The following TBC1D16 variants were observed in gnomAD, a reference collection of about 807,000 sequenced individuals.
TBC1D16 encodes the protein TBC1 domain family member 16, also known as CTD-2529O21.1.
Under a neutral mutation model 74.7 loss-of-function variants are expected in TBC1D16, and 58 were observed. The ratio of observed to expected loss-of-function variants is 0.78; its 90% CI spans 0.63 to 0.97. TBC1D16 has a LOEUF of 0.97. Among genes scored for constraint, TBC1D16 ranks in the 50% least tolerant of loss-of-function variants. The pLI, the probability that TBC1D16 is intolerant of heterozygous loss-of-function variation, is 0.00. For synonymous variants in TBC1D16, 493 were observed against 474.7 expected, an observed-to-expected ratio of 1.04 and a Z score of -0.50; for missense variants, 1,014 against 1,079.5, an observed-to-expected ratio of 0.94 and a Z score of 0.85.
At position 80,010,629 on chromosome 17, in the gene TBC1D16, G is replaced by C. The variant is rs754386191; in HGVS notation, c.310C>G (p.Pro104Ala). 6.4e-7 allele frequency: 1 copy of C among 1,573,832 alleles called. No homozygotes were observed. The highest frequency in any genetic ancestry group is 1.4e-5 in the African/African-American group (1 of 73,558). ...ALRYITPESSPVRKAPRPRGR... is the reference protein window; with the variant it reads ...ALRYITPESSAVRKAPRPRGR... ...CGAGGGCGGGGTGCCTTGCGAACGG[G>C]GGAGCTCTCGGGTGTGATGTAGCGC... The change falls in exon 3 of 12, where the codon CCC becomes GCC. Residue 104 changes from proline to alanine, a missense_variant. Transcript: ENST00000310924. This position sits in a 1 kb window ranked among gnomAD's most constrained non-coding sequence, Gnocchi z 8.8.
At chr17:80,002,094 G>A (rs2035510396) in intron 3 of TBC1D16, among the ~76,000 whole-genome samples, 1 of 152,202 alleles carries the variant, frequency 6.6e-6, no homozygotes, top group African/African-American at 2.4e-5. Flanking sequence ...AACGAGCAGA[G>A]CTTTGTGAGT....
In TBC1D16 at chr17:79,950,870, C is replaced by T. The variant is rs925343596; in HGVS notation, c.1090-292G>A. On this transcript the variant is annotated intron_variant, in intron 5 of 11. Transcript: ENST00000310924. This position sits in a 1 kb window ranked among gnomAD's most constrained non-coding sequence, Gnocchi z 4.6. ...AAACGGAATGAATGCCTCGTTCGGCCTAACTTCCCTCTGCCGGGAGGGCCT... is the reference window on the plus strand; with the variant it reads ...AAACGGAATGAATGCCTCGTTCGGCTTAACTTCCCTCTGCCGGGAGGGCCT... 5.9e-6 allele frequency: 9 copies of T among 1,513,058 alleles called. No homozygotes were observed. The highest frequency in any genetic ancestry group is 7.9e-6 in the Non-Finnish European group (9 of 1,132,584). 93.7% of individuals were successfully genotyped at this position (1,513,058 alleles called of 1,614,324 possible). A position where few individuals can be genotyped will look rare whatever the true frequency, so the allele number is the denominator to read the frequency against.
At position 79,941,626 on chromosome 17, in the gene TBC1D16, G is replaced by A. The variant is rs1195320476; in HGVS notation, c.2055+434C>T. The stretch of plus-strand genomic sequence containing the variant: ...CGGGCAGCATCTCCAGGAGGCGTCT[G>A]GGAAGTGGGGGAGGGGGCCAAAGCC... On this transcript the variant is annotated intron_variant, in intron 11 of 11. Transcript: ENST00000310924. The surrounding 1 kb of genome is among the most constrained non-coding windows in gnomAD (Gnocchi z 4.3). 6.6e-6 allele frequency among the ~76,000 whole-genome samples: 1 copy of A among 152,222 alleles called. No homozygotes were observed. Among genetic ancestry groups the A allele is most frequent in the African/African-American group, 2.4e-5 (1 of 41,466 alleles).
intron 3 of TBC1D16, among the ~76,000 whole-genome samples, chr17:79,962,339 C>G (rs886140667): frequency 6.7e-6 from 1 of 149,626 alleles, no homozygotes; most frequent in African/African-American, 2.5e-5. Flanking sequence ...CTCAGCCTCC[C>G]AAGTATCTGG....
In TBC1D16 at chr17:79,949,646, C is replaced by T. The variant is rs1338500560; in HGVS notation, c.1406+71G>A. On this transcript the variant is annotated intron_variant, in intron 7 of 11. Coordinates refer to ENST00000310924, the MANE Select transcript of TBC1D16 (RefSeq NM_019020.4). The stretch of plus-strand genomic sequence containing the variant: ...ATATTATCAATGCTGAATTGCACCT[C>T]AAATTGCCTTTTCAAATGACATTTT... 14 of 1,550,444 alleles carry T rather than the reference C, an allele frequency of 9.0e-6. No individual in the cohort carries two copies. The Admixed American group carries it at 2.3e-4, about 25-fold the overall frequency.
At position 79,990,059 on chromosome 17, in the gene TBC1D16, G is replaced by T. The variant is rs371213367; in HGVS notation, c.779+20101C>A. On this transcript the variant is annotated intron_variant, in intron 3 of 11. Transcript: ENST00000310924. The surrounding 1 kb of genome is among the most constrained non-coding windows in gnomAD (Gnocchi z 4.8). The stretch of plus-strand genomic sequence containing the variant: ...TTTTTCTAAGCTCACTAGGTAAAGT[G>T]TTACTTCCTGATCTAATCTTGCCAG... Among the ~76,000 whole-genome samples the T allele has an allele frequency of 6.6e-6, 1 of 152,188 alleles. No individual in the cohort carries two copies. The highest frequency in any genetic ancestry group is 1.5e-5 in the Non-Finnish European group (1 of 68,032).
At chr17:79,976,503 G>A (rs768364729) in intron 3 of TBC1D16, among the ~76,000 whole-genome samples, 6 of 152,238 alleles carry the variant, frequency 3.9e-5, no homozygotes, top group Admixed American at 2.6e-4. Context: ...TGACTGCGTC[G>A]GTCACATGTG....
chr17:80,013,729 T>C lies in TBC1D16; in HGVS notation c.-62-120A>G, dbSNP rs1598427966. On this transcript the variant is annotated intron_variant, in intron 1 of 11. Coordinates refer to ENST00000310924, the MANE Select transcript of TBC1D16 (RefSeq NM_019020.4). ...TAACCACAGGAGCGTGTCCTGCTGG[T>C]GAACAGCTCTGTACAGGGTAGGCCA... 1.3e-5 allele frequency: 8 copies of C among 604,954 alleles called. No homozygotes were observed. The East Asian group carries it at 2.4e-4, about 18-fold the overall frequency. The allele number at this position is 604,954 out of a possible 1,614,324, so 37.5% of individuals were successfully genotyped here.
At chr17:80,031,686 G>A (rs776452645) in intron 1 of TBC1D16, among the ~76,000 whole-genome samples, 3 of 152,100 alleles carry the variant, frequency 2.0e-5, no homozygotes, top group African/African-American at 2.4e-5. Context: ...CATTTCCCCC[G>A]CAAAGAGCCA....
rs994243702 is a variant in TBC1D16, at chr17:79,941,410, C to A, written c.2056-303G>T. Among the ~76,000 whole-genome samples, 1 of 152,180 alleles carries A rather than the reference C, an allele frequency of 6.6e-6. No individual in the cohort carries two copies. Among genetic ancestry groups the A allele is most frequent in the Non-Finnish European group, 1.5e-5 (1 of 68,026 alleles). The stretch of plus-strand genomic sequence containing the variant: ...GGAGGGTGAACAGGACCAACACCAG[C>A]ACAGGGCCGGGTGGCGTCCAGCCAA... On this transcript the variant is annotated intron_variant, in intron 11 of 11. Coordinates refer to ENST00000310924, the MANE Select transcript of TBC1D16 (RefSeq NM_019020.4). The surrounding 1 kb of genome is among the most constrained non-coding windows in gnomAD (Gnocchi z 4.3).
At chr17:80,024,165 G>A (rs1218472057) in intron 1 of TBC1D16, among the ~76,000 whole-genome samples, 1 of 149,928 alleles carries the variant, frequency 6.7e-6, no homozygotes, top group Non-Finnish European at 1.5e-5. Context: ...CCCAACCAGA[G>A]GCCCCACTTC....
At position 79,936,870 on chromosome 17, in the gene TBC1D16, ATG is replaced by A. The variant is rs3080748; in HGVS notation, c.*3987_*3988del. 4.1e-4 allele frequency: 62 copies of A among 149,468 alleles called. No homozygotes were observed. Among genetic ancestry groups the A allele is most frequent in the East Asian group, 1.2e-3 (6 of 5,010 alleles). The allele number at this position is 149,468 out of a possible 1,614,324, so 9.3% of individuals were successfully genotyped here. ...TGACTTAGGCTGCACCCCTGCACAT[ATG>A]TGTGTGTGTGTGTGCATGCGTGCGT... On this transcript the variant is annotated 3_prime_UTR_variant, in exon 12 of 12. Transcript: ENST00000310924.
At chr17:79,967,396 C>T (rs920771776) in intron 3 of TBC1D16, among the ~76,000 whole-genome samples, 3 of 152,140 alleles carry the variant, frequency 2.0e-5, no homozygotes, top group African/African-American at 7.2e-5. Flanking sequence ...CATACACACA[C>T]AGAAAACCCA....
chr17:79,952,815 G>A lies in TBC1D16; in HGVS notation c.783C>T (p.Pro261=), dbSNP rs758719820. The A allele has an allele frequency of 1.7e-5, 28 of 1,606,702 alleles. No homozygotes were observed. Among genetic ancestry groups the A allele is most frequent in the South Asian group, 2.2e-5 (2 of 90,602 alleles). Residue 261 remains proline, a synonymous_variant, in exon 4 of 12, where the codon CCC becomes CCT. Coordinates refer to ENST00000310924, the MANE Select transcript of TBC1D16 (RefSeq NM_019020.4). ...GSVFLESDSS[P]PSSSDAGLRF... ...GCAGGCCGGCGTCGGAGCTGGACGG[G>A]GGGCTGGTGGAACAGGTTATGTGAT... is the stretch of plus-strand genomic sequence containing the variant.
intron 10 of TBC1D16, chr17:79,943,854 G>C: frequency 7.2e-7 from 1 of 1,385,794 alleles, no homozygotes; most frequent in Admixed American, 3.0e-5. Context: ...CGGCAAATCT[G>C]CCACTGGGAA....
At position 79,952,797 on chromosome 17, in the gene TBC1D16, G is replaced by C. The variant is rs112925004; in HGVS notation, c.801C>G (p.Ala267=). 33 of 1,610,378 alleles carry C rather than the reference G, an allele frequency of 2.0e-5. 1 individual carries two copies. The African/African-American group carries it at 2.4e-4, about 12-fold the overall frequency. ...SDSSPPSSSD[A]GLRFPDSNGL... is the part of the protein sequence containing the mutation. ...CGTTGCTGTCCGGGAACCGCAGGCC[G>C]GCGTCGGAGCTGGACGGGGGGCTGG... Residue 267 remains alanine, a synonymous_variant, in exon 4 of 12, where the codon GCC becomes GCG. Coordinates refer to ENST00000310924, the MANE Select transcript of TBC1D16 (RefSeq NM_019020.4).
intron 3 of TBC1D16, among the ~76,000 whole-genome samples, chr17:79,970,947 C>T (rs963697262): frequency 6.7e-6 from 1 of 150,252 alleles, no homozygotes; most frequent in Non-Finnish European, 1.5e-5. Flanking sequence ...TTGAGTTTTA[C>T]GTTCCTCCCA....
chr17:79,947,903 C>G lies in TBC1D16; in HGVS notation c.1542-72G>C, dbSNP rs2032694553. 8 of 1,345,604 alleles carry G rather than the reference C, an allele frequency of 5.9e-6. No homozygotes were observed. The Admixed American group carries it at 6.1e-5, about 10-fold the overall frequency. 83.4% of individuals were successfully genotyped at this position (1,345,604 alleles called of 1,614,324 possible). A position where few individuals can be genotyped will look rare whatever the true frequency, so the allele number is the denominator to read the frequency against. On this transcript the variant is annotated intron_variant, in intron 8 of 11. Transcript: ENST00000310924. ...GGCACACTGCCCAGCCTGCAGAACC[C>G]TGGGCCGTGGACCCTGCCTTCCCTC...
intron 3 of TBC1D16, among the ~76,000 whole-genome samples, chr17:80,004,516 C>T (rs1267103357): frequency 3.9e-5 from 6 of 152,166 alleles, no homozygotes; most frequent in South Asian, 2.1e-4. Flanking sequence ...CTCAGGGGTT[C>T]GTGAGCCCAG....
Sources: gnomAD v4.1 joint callset for allele counts (sites outside exome capture counted in the v4.1 genomes callset) on GRCh38, gnomAD v4.1.1 for gene constraint, Gnocchi (gnomAD v3.1) non-coding constraint, MANE v1.5 for transcripts, NCBI Gene and HGNC (gene_info 2026-07-23, HGNC 2026-07-21) for gene names.